CALCRL: variants seen among roughly 807,000 people sequenced by gnomAD.
The protein encoded by CALCRL is calcitonin gene-related peptide type 1 receptor.
Under a neutral mutation model 60.4 loss-of-function variants are expected in CALCRL, and 27 were observed. The observed-to-expected ratio is 0.45, with a 90% CI of 0.33 to 0.62. CALCRL has a LOEUF of 0.62. Ranked by LOEUF, CALCRL falls within the 20% of genes least tolerant of loss-of-function variation. The pLI is 0.03. For missense variants in CALCRL, 424 were observed against 540.7 expected (o/e 0.78, Z 2.14); for synonymous variants, 190 against 182.6 (o/e 1.04, Z -0.33).
chr2:187,348,739 GT>G (rs2105687170), intron 14 of CALCRL, among the ~76,000 whole-genome samples: 1 of 151,608 alleles, frequency 6.6e-6, no homozygotes, highest in African/African-American at 2.4e-5. Flanking sequence ...AGACTTGTTT[GT>G]TTATGTTATT....
intron 1 of CALCRL, among the ~76,000 whole-genome samples, chr2:187,411,706 A>G (rs1689365828): frequency 6.6e-6 from 1 of 152,008 alleles, no homozygotes; most frequent in Non-Finnish European, 1.5e-5. Flanking sequence ...CCAGGGAAGT[A>G]GGGGGTGTAG....
chr2:187,376,996 A>G (rs1687784381), intron 8 of CALCRL, among the ~76,000 whole-genome samples: 1 of 152,130 alleles, frequency 6.6e-6, no homozygotes, highest in South Asian at 2.1e-4. Context: ...GAAATATTAC[A>G]GTAAGTAATT....
At chr2:187,404,532 A>G (rs944711338) in intron 1 of CALCRL, among the ~76,000 whole-genome samples, 3 of 151,288 alleles carry the variant, frequency 2.0e-5, no homozygotes, top group African/African-American at 7.3e-5. Context: ...AAACACAACC[A>G]TAACATCCTG....
intron 6 of CALCRL, 29 bp downstream of exon 6, chr2:187,380,648 G>GAGATATGT: frequency 6.4e-7 from 1 of 1,559,860 alleles, no homozygotes; most frequent in Non-Finnish European, 8.8e-7. Flanking sequence ...AGATGTCAAG[G>GAGATATGT]AGATATGTAG....
chr2:187,394,277 G>A (rs1688573496), intron 1 of CALCRL, among the ~76,000 whole-genome samples: 2 of 152,038 alleles, frequency 1.3e-5, no homozygotes, highest in Admixed American at 1.3e-4. Flanking sequence ...ACCTGAATGA[G>A]TATGGAGGCA....
At position 187,349,877 on chromosome 2, in the gene CALCRL, T is replaced by G. The variant is rs558482236; in HGVS notation, c.1170+2043A>C. On this transcript the variant is annotated intron_variant, in intron 14 of 14. Transcript: ENST00000392370. ...ATTAATGTTCCTGTTGGCACATGTG[T>G]TTTTGAAAATAAGTGATTTGACAAA... Among the ~76,000 whole-genome samples, 198 of 151,780 alleles carry G rather than the reference T, an allele frequency of 1.3e-3. 1 individual carries two copies. Among genetic ancestry groups the G allele is most frequent in the Non-Finnish European group, 6.1e-4 (41 of 67,714 alleles).
intron 8 of CALCRL, among the ~76,000 whole-genome samples, chr2:187,377,437 TG>T (rs1204005650): frequency 6.6e-6 from 1 of 152,146 alleles, no homozygotes; most frequent in Admixed American, 6.6e-5. Flanking sequence ...ATTGGATTTC[TG>T]GTAGTGTCAT....
chr2:187,379,370 G>A (rs1405118898), intron 7 of CALCRL, among the ~76,000 whole-genome samples: 1 of 151,946 alleles, frequency 6.6e-6, no homozygotes, highest in Non-Finnish European at 1.5e-5. Flanking sequence ...TATATTTTGT[G>A]CACCTTCAAA....
At chr2:187,416,932 G>T (rs778230757) in intron 1 of CALCRL, among the ~76,000 whole-genome samples, 2 of 152,032 alleles carry the variant, frequency 1.3e-5, no homozygotes, top group Non-Finnish European at 2.9e-5. Context: ...CCTAGGAATA[G>T]ACTTTGAATT....
intron 1 of CALCRL, among the ~76,000 whole-genome samples, chr2:187,433,117 G>GA (rs1350270215): frequency 1.3e-5 from 2 of 151,970 alleles, no homozygotes; most frequent in African/African-American, 2.4e-5. Flanking sequence ...AGCTATTTCA[G>GA]AAAAAATAAA....
chr2:187,353,767 G>A (rs1478883536), intron 12 of CALCRL, among the ~76,000 whole-genome samples: 1 of 151,768 alleles, frequency 6.6e-6, no homozygotes, highest in East Asian at 1.9e-4. Context: ...AGATAATAAT[G>A]CTCTTTTATC....
chr2:187,371,405 G>C (rs1559047555), intron 8 of CALCRL, among the ~76,000 whole-genome samples: 1 of 152,014 alleles, frequency 6.6e-6, no homozygotes, highest in Non-Finnish European at 1.5e-5. Flanking sequence ...GCAGTGACAG[G>C]TATGCTGTTC....
chr2:187,411,314 T>G (rs1395374196), intron 1 of CALCRL, among the ~76,000 whole-genome samples: 1 of 152,188 alleles, frequency 6.6e-6, no homozygotes, highest in Admixed American at 6.5e-5. Context: ...CTAAATTGAT[T>G]CTTGTTCATG....
At chr2:187,383,089 C>T in intron 5 of CALCRL, 84 bp downstream of exon 5, 1 of 1,349,522 alleles carries the variant, frequency 7.4e-7, no homozygotes, top group Non-Finnish European at 1.0e-6. Flanking sequence ...AATAATGGAC[C>T]TAAAGCACTT....
chr2:187,404,399 G>C (rs1689026729), intron 1 of CALCRL, among the ~76,000 whole-genome samples: 1 of 151,366 alleles, frequency 6.6e-6, no homozygotes, highest in East Asian at 1.9e-4. Flanking sequence ...CTAACAAAGA[G>C]AAAAATGTCA....
At position 187,363,372 on chromosome 2, in the gene CALCRL, T is replaced by G. The variant is rs1391343509; in HGVS notation, c.627+4A>C. The G allele has an allele frequency of 6.2e-7, 1 of 1,607,234 alleles. No individual in the cohort carries two copies. Among genetic ancestry groups the G allele is most frequent in the South Asian group, 1.1e-5 (1 of 89,716 alleles). On this transcript the variant is annotated splice_donor_region_variant and intron_variant, in intron 9 of 14. Transcript: ENST00000392370. ...AACCAAGGGCACAATCTTGGTTTACTTACAGGATTTGTGGCTACTAAGGCC... is the reference window on the plus strand; with the variant it reads ...AACCAAGGGCACAATCTTGGTTTACGTACAGGATTTGTGGCTACTAAGGCC...
chr2:187,358,291 G>A (rs1686890002), intron 12 of CALCRL, among the ~76,000 whole-genome samples: 1 of 151,998 alleles, frequency 6.6e-6, no homozygotes, highest in Non-Finnish European at 1.5e-5. Flanking sequence ...AGGAGTTGGG[G>A]GCTGCAGTGA....
chr2:187,377,823 A>G (rs1196307532), intron 8 of CALCRL, among the ~76,000 whole-genome samples: 1 of 152,172 alleles, frequency 6.6e-6, no homozygotes, highest in Non-Finnish European at 1.5e-5. Context: ...TAAAGTGCTA[A>G]TGATAAAATG....
chr2:187,421,309 T>C (rs1469295506), intron 1 of CALCRL, among the ~76,000 whole-genome samples: 1 of 152,160 alleles, frequency 6.6e-6, no homozygotes, highest in African/African-American at 2.4e-5. Flanking sequence ...GATTGAAACC[T>C]TGTTAGGCCT....
Sources: gnomAD v4.1 joint callset for allele counts (sites outside exome capture counted in the v4.1 genomes callset) on GRCh38, gnomAD v4.1.1 for gene constraint, MANE v1.5 for transcripts, NCBI Gene and HGNC (gene_info 2026-07-23, HGNC 2026-07-21) for gene names.